The following TIMELESS variants were observed in gnomAD, a reference collection of about 807,000 sequenced individuals.
The protein encoded by TIMELESS is timeless circadian regulator.
In TIMELESS, 124 loss-of-function variants were observed where a neutral mutation model predicts 164.3. The observed-to-expected ratio is 0.75, with a 90% confidence interval of 0.65 to 0.88. The LOEUF (loss-of-function observed/expected upper bound fraction) is 0.88. Among genes scored for constraint, TIMELESS ranks in the 40% least tolerant of loss-of-function variants. The pLI, the probability that TIMELESS is intolerant of heterozygous loss-of-function variation, is 0.00. For synonymous variants in TIMELESS, 564 were observed against 563.4 expected, an observed-to-expected ratio of 1.00 and a Z score of -0.02; for missense variants, 1,422 against 1,491.4, an observed-to-expected ratio of 0.95 and a Z score of 0.77.
At chr12:56,431,375 C>CAAAAA in intron 8 of TIMELESS, 96 bp downstream of exon 8, 1 of 921,562 alleles carries the variant, frequency 1.1e-6, no homozygotes, top group Non-Finnish European at 1.6e-6. Flanking sequence ...AAAAAAAACA[C>CAAAAA]TAAAATGTTG....
At position 56,424,671 on chromosome 12, in the gene TIMELESS, A is replaced by G. The variant is rs112860730; in HGVS notation, c.1868+91T>C. ...TACAGTCCCAGAGCCTTGATGAGAC[A>G]ACTCTCTTTTGAAGACTGAGAACAC... is the stretch of plus-strand genomic sequence containing the variant. On this transcript the variant is annotated intron_variant, in intron 15 of 28. Coordinates refer to ENST00000553532, the MANE Select transcript of TIMELESS (RefSeq NM_003920.5). 2,856 of 1,488,552 alleles carry G rather than the reference A, an allele frequency of 1.9e-3. 26 individuals are homozygous for G. In the African/African-American group the frequency reaches 0.029, roughly 15 times the overall value. The allele number at this position is 1,488,552 out of a possible 1,614,324, so 92.2% of individuals were successfully genotyped here.
chr12:56,429,366 T>C (rs1185073048), intron 10 of TIMELESS, among the ~76,000 whole-genome samples: 2 of 151,756 alleles, frequency 1.3e-5, no homozygotes, highest in Non-Finnish European at 2.9e-5. Context: ...GCCCAGTTAA[T>C]TTTTTGTATT....
chr12:56,433,701 C>A, intron 3 of TIMELESS, 49 bp from the exon 4 acceptor site: 1 of 1,613,676 alleles, frequency 6.2e-7, no homozygotes, highest in African/African-American at 1.3e-5. Context: ...TTTACCAGCT[C>A]AAACGCCAAA....
chr12:56,433,886 A>G lies in TIMELESS; in HGVS notation c.138T>C (p.Asp46=). ...KDLIRYLRHE[D]ETRDVRQQLG... is the part of the protein sequence containing the mutation. ...GCTGCTGCCGCACATCTCGTGTCTC[A>G]TCCTCATGCCTCAAATAGCGGATCA... The change falls in exon 3 of 29, where the codon GAT becomes GAC. Residue 46 remains aspartate (D), a synonymous_variant. Coordinates refer to ENST00000553532, the MANE Select transcript of TIMELESS (RefSeq NM_003920.5). The G allele has an allele frequency of 1.2e-6, 2 of 1,614,200 alleles. No homozygotes were observed. The highest frequency in any genetic ancestry group is 1.7e-6 in the Non-Finnish European group (2 of 1,180,028).
chr12:56,428,283 T>G lies in TIMELESS; in HGVS notation c.1531A>C (p.Lys511Gln), dbSNP rs1189971667. The G allele has an allele frequency of 1.2e-6, 2 of 1,612,250 alleles. No individual in the cohort carries two copies. Among genetic ancestry groups the G allele is most frequent in the African/African-American group, 2.7e-5 (2 of 74,840 alleles). The change falls in exon 13 of 29, where the codon AAA (lysine) becomes CAA (glutamine). Residue 511 changes from lysine to glutamine, a missense_variant. Lys to Gln is a moderately conservative substitution (Grantham distance 53). Transcript: ENST00000553532. ...DLVETTHLFLKMLERFCRSRG... is the reference protein window; with the variant it reads ...DLVETTHLFLQMLERFCRSRG... ...CTCCGACAGAATCGCTCCAACATTT[T>G]GAGGAAGAGGTGGGTGGTCTCCACC...
At chr12:56,424,104 T>C (rs1284554166) in intron 15 of TIMELESS, among the ~76,000 whole-genome samples, 2 of 152,084 alleles carry the variant, frequency 1.3e-5, no homozygotes, top group Non-Finnish European at 1.5e-5. Flanking sequence ...ATGCAAACAA[T>C]CTAAATGTTT....
At chr12:56,436,806 T>C (rs775696857) in intron 1 of TIMELESS, among the ~76,000 whole-genome samples, 2 of 152,216 alleles carry the variant, frequency 1.3e-5, no homozygotes, top group African/African-American at 2.4e-5. Flanking sequence ...CATTGATTTA[T>C]ATAGTAAAAA....
At chr12:56,444,041 G>A (rs1241733752) in intron 1 of TIMELESS, among the ~76,000 whole-genome samples, 1 of 151,976 alleles carries the variant, frequency 6.6e-6, no homozygotes, top group Non-Finnish European at 1.5e-5. Context: ...GGGATTACAG[G>A]TGCCCGCCAC....
At chr12:56,437,213 G>C (rs1347168779) in intron 1 of TIMELESS, among the ~76,000 whole-genome samples, 1 of 152,142 alleles carries the variant, frequency 6.6e-6, no homozygotes, top group African/African-American at 2.4e-5. Context: ...ACATGCTTGA[G>C]CCACTGCGCC....
chr12:56,430,948 G>A lies in TIMELESS; in HGVS notation c.842C>T (p.Ser281Phe), dbSNP rs756047199. The A allele has an allele frequency of 6.3e-6, 10 of 1,588,834 alleles. No individual in the cohort carries two copies. The highest frequency in any genetic ancestry group is 1.4e-5 in the African/African-American group (1 of 72,960). The change falls in exon 9 of 29, where the codon TCC (serine) becomes TTC (phenylalanine). Residue 281 changes from serine to phenylalanine, a missense_variant. By Grantham distance (155) the Ser-to-Phe change is radical. Coordinates refer to ENST00000553532, the MANE Select transcript of TIMELESS (RefSeq NM_003920.5). ...GGATTTCAACCCCTGGACAATATAG[G>A]AGCCCCCAAATCGAGAATGCCTGCA... ...RGNRHSRFGGSYIVQGLKSIG... is the reference protein window; with the variant it reads ...RGNRHSRFGGFYIVQGLKSIG...
At chr12:56,436,292 A>G (rs1882069035) in intron 1 of TIMELESS, among the ~76,000 whole-genome samples, 1 of 151,998 alleles carries the variant, frequency 6.6e-6, no homozygotes, top group Non-Finnish European at 1.5e-5. Flanking sequence ...TGTCTCTACT[A>G]AAAATACAAA....
In TIMELESS at chr12:56,421,152, T is replaced by G. The variant is rs184178607; in HGVS notation, c.2869-18A>C. On this transcript the variant is annotated intron_variant, in intron 23 of 28. Transcript: ENST00000553532. ...CCATTTGGCTAAAATTCATTGGGGGTTGGGGGAATGAAAATGAAGGCAACA... is the reference window on the plus strand; with the variant it reads ...CCATTTGGCTAAAATTCATTGGGGGGTGGGGGAATGAAAATGAAGGCAACA... 151 of 1,613,136 alleles carry G rather than the reference T, an allele frequency of 9.4e-5. No individual in the cohort carries two copies. The East Asian group carries it at 2.5e-3, about 27-fold the overall frequency.
rs1342061707 is a variant in TIMELESS at position 56,428,391 on chromosome 12, C to T, written c.1423G>A (p.Val475Met). 4 of 1,609,384 alleles carry T rather than the reference C, an allele frequency of 2.5e-6. No individual in the cohort carries two copies. The highest frequency in any genetic ancestry group is 3.4e-6 in the Non-Finnish European group (4 of 1,176,448). Residue 475 changes from valine to methionine, a missense_variant, in exon 13 of 29, where the codon GTG (valine) becomes ATG (methionine). Physicochemically the swap from Val to Met is conservative, Grantham distance 21. Transcript: ENST00000553532. Reference protein sequence around the residue: ...SRIIKNNIFYVMEYRELFLAL... With the variant: ...SRIIKNNIFYMMEYRELFLAL... ...AGGAATAGTTCTCGGTACTCCATCA[C>T]ATAGAAAATATTGTCTAGGAATGGG...
chr12:56,426,653 G>A (rs566926610), intron 13 of TIMELESS, among the ~76,000 whole-genome samples: 36 of 152,118 alleles, frequency 2.4e-4, no homozygotes, highest in African/African-American at 8.4e-4. Flanking sequence ...TCCGCCTCCC[G>A]GGTTCAAGTG....
chr12:56,417,919 C>G lies in TIMELESS; in HGVS notation c.3544G>C (p.Gly1182Arg), dbSNP rs1421141148. The change falls in exon 28 of 29, where the codon GGC becomes CGC. Residue 1182 changes from glycine to arginine, a missense_variant. Coordinates refer to ENST00000553532, the MANE Select transcript of TIMELESS (RefSeq NM_003920.5). ...TCAAATTCCCTACCTCTGTTCCTGCCCTCATCTTCTTCCTGTTCCTCGTCG... is the reference window on the plus strand; with the variant it reads ...TCAAATTCCCTACCTCTGTTCCTGCGCTCATCTTCTTCCTGTTCCTCGTCG... ...DSDEEQEEDE[G>R]RNRAPELGAP... 3.1e-6 allele frequency: 5 copies of G among 1,614,158 alleles called. No individual in the cohort carries two copies. Among genetic ancestry groups the G allele is most frequent in the Non-Finnish European group, 3.4e-6 (4 of 1,180,022 alleles).
intron 6 of TIMELESS, 57 bp from the exon 7 acceptor site, chr12:56,432,581 T>C (rs569201383): frequency 2.5e-6 from 4 of 1,581,888 alleles, no homozygotes; most frequent in African/African-American, 1.3e-5. Context: ...CTGCCCTGCC[T>C]TGAAGCTCTC....
At chr12:56,417,840 G>T in intron 28 of TIMELESS, 54 bp from the exon 29 acceptor site, 2 of 1,613,496 alleles carry the variant, frequency 1.2e-6, no homozygotes, top group South Asian at 2.2e-5. Context: ...ATGTTAAGGG[G>T]TAAGGACGTG....
At chr12:56,419,298 A>C (rs1381958292) in intron 26 of TIMELESS, among the ~76,000 whole-genome samples, 1 of 152,178 alleles carries the variant, frequency 6.6e-6, no homozygotes, top group Non-Finnish European at 1.5e-5. Flanking sequence ...AGCAGATTCC[A>C]CAGGATTAAG....
rs143349836 is a variant in TIMELESS at position 56,422,166 on chromosome 12, A to G, written c.2464T>C (p.Trp822Arg). 5 of 1,613,954 alleles carry G rather than the reference A, an allele frequency of 3.1e-6. No individual in the cohort carries two copies. The highest frequency in any genetic ancestry group is 1.7e-5 in the Admixed American group (1 of 59,990). ...DRSSSRRAPT[W>R]SPEEEAHLRE... ...AGATGAGCCTCTTCTTCGGGGCTCC[A>G]TGTAGGTGCTCTGCGACTGGAAGAC... Residue 822 changes from tryptophan (W) to arginine (R), a missense_variant, in exon 20 of 29, where the codon TGG becomes CGG. Trp to Arg is a moderately radical substitution (Grantham distance 101, BLOSUM62 -3). Transcript: ENST00000553532.
Sources: gnomAD v4.1 joint callset for allele counts (sites outside exome capture counted in the v4.1 genomes callset) on GRCh38, gnomAD v4.1.1 for gene constraint, MANE v1.5 for transcripts, NCBI Gene and HGNC (gene_info 2026-07-23, HGNC 2026-07-21) for gene names.